The following ACKR2 variants were observed in gnomAD, a reference collection of about 807,000 sequenced individuals.
The protein encoded by ACKR2 is C-C chemokine receptor D6.
For missense variants in ACKR2, 457 were observed against 477.3 expected (o/e 0.96, Z 0.40); for synonymous variants, 207 against 192.2 (o/e 1.08, Z -0.64).
At chr3:42,825,596 T>TGC (rs1324049393) in intron 2 of ACKR2, among the ~76,000 whole-genome samples, 1 of 151,392 alleles carries the variant, frequency 6.6e-6, no homozygotes, top group Non-Finnish European at 1.5e-5. Flanking sequence ...TGTGTGTGTG[T>TGC]GTGTGCGTGT....
chr3:42,810,444 C>T (rs6778695), intron 1 of ACKR2, among the ~76,000 whole-genome samples: 1 of 151,708 alleles, frequency 6.6e-6, no homozygotes, highest in African/African-American at 2.4e-5. Flanking sequence ...GCCTTTTTTC[C>T]TCTTTGCCTT....
At chr3:42,831,274 A>G (rs2125608691) in intron 2 of ACKR2, among the ~76,000 whole-genome samples, 1 of 152,312 alleles carries the variant, frequency 6.6e-6, no homozygotes, top group Non-Finnish European at 1.5e-5. Context: ...TCTCTTATGG[A>G]CCTGTTAAAA....
At chr3:42,819,171 C>A (rs1700784333) in intron 1 of ACKR2, among the ~76,000 whole-genome samples, 1 of 152,070 alleles carries the variant, frequency 6.6e-6, no homozygotes, top group African/African-American at 2.4e-5. Flanking sequence ...TTAAATATGT[C>A]TTTTAGTAGA....
chr3:42,865,735 G>A lies in ACKR2; in HGVS notation c.*78G>A. ...TCCACTCAAAGTGCTCTCTCCAGGG[G>A]CCTCAGTGACTGTGTTGCTAAACCC... On this transcript the variant is annotated 3_prime_UTR_variant, in exon 3 of 3. Transcript: ENST00000422265. The A allele has an allele frequency of 8.4e-7, 1 of 1,186,960 alleles. No individual in the cohort carries two copies. Among genetic ancestry groups the A allele is most frequent in the South Asian group, 1.5e-5 (1 of 66,006 alleles). 73.5% of individuals were successfully genotyped at this position (1,186,960 alleles called of 1,614,324 possible).
At chr3:42,847,455 G>A (rs1362490656) in intron 2 of ACKR2, among the ~76,000 whole-genome samples, 2 of 152,202 alleles carry the variant, frequency 1.3e-5, no homozygotes, top group Non-Finnish European at 2.9e-5. Flanking sequence ...GTGAGTAAAT[G>A]TGGGCTCTAA....
chr3:42,850,789 T>C (rs969714525), intron 2 of ACKR2, among the ~76,000 whole-genome samples: 1 of 151,960 alleles, frequency 6.6e-6, no homozygotes, highest in African/African-American at 2.4e-5. Context: ...GGGGAACAGA[T>C]AGTTAAATAG....
At chr3:42,811,502 C>G (rs902515536) in intron 1 of ACKR2, among the ~76,000 whole-genome samples, 2 of 152,210 alleles carry the variant, frequency 1.3e-5, no homozygotes, top group Non-Finnish European at 2.9e-5. Flanking sequence ...GGGACCTCTG[C>G]CCAAGAAAGC....
At chr3:42,832,797 G>A (rs983821538) in intron 2 of ACKR2, among the ~76,000 whole-genome samples, 6 of 152,086 alleles carry the variant, frequency 3.9e-5, no homozygotes, top group African/African-American at 7.2e-5. Context: ...AGGCTCAAGC[G>A]ATTCTCCCAC....
chr3:42,839,337 G>C (rs951578126), intron 2 of ACKR2: 6 of 152,028 alleles, frequency 3.9e-5, no homozygotes, highest in African/African-American at 1.5e-4. Context: ...TCAGTCTGGA[G>C]CTCCGAATCA....
At chr3:42,832,659 A>G (rs1022330672) in intron 2 of ACKR2, among the ~76,000 whole-genome samples, 2 of 152,164 alleles carry the variant, frequency 1.3e-5, no homozygotes, top group African/African-American at 2.4e-5. Context: ...GTGCTGTCCA[A>G]TAAAAACAGG....
intron 2 of ACKR2, chr3:42,834,537 G>T (rs1700967211): frequency 1.3e-5 from 2 of 151,382 alleles, no homozygotes; most frequent in African/African-American, 4.9e-5. Context: ...ACTATGTCTG[G>T]GTAATTTTTT....
At chr3:42,862,507 CTACTT>C (rs1304209177) in intron 2 of ACKR2, among the ~76,000 whole-genome samples, 1 of 152,152 alleles carries the variant, frequency 6.6e-6, no homozygotes, top group Non-Finnish European at 1.5e-5. Context: ...TTAGAAAAAA[CTACTT>C]TAAATTTTAT....
At chr3:42,847,320 G>A in intron 2 of ACKR2, among the ~76,000 whole-genome samples, 1 of 152,318 alleles carries the variant, frequency 6.6e-6, no homozygotes, top group South Asian at 2.1e-4. Context: ...GCCAGCGGGG[G>A]CCAGGCTGGG....
chr3:42,851,622 C>A (rs965207694), intron 2 of ACKR2, among the ~76,000 whole-genome samples: 1 of 152,010 alleles, frequency 6.6e-6, no homozygotes, highest in African/African-American at 2.4e-5. Context: ...GCAATTGCTT[C>A]CAGCACCTGG....
chr3:42,839,851 TGTAGA>T (rs1319789696), intron 2 of ACKR2, among the ~76,000 whole-genome samples: 1 of 152,112 alleles, frequency 6.6e-6, no homozygotes, highest in African/African-American at 2.4e-5. Flanking sequence ...AGTGGACAAA[TGTAGA>T]AGTGCATGTA....
rs769342379 is a variant in ACKR2 at position 42,864,547 on chromosome 3, C to A, written c.45C>A (p.Ala15=). The change falls in exon 3 of 3, where the codon GCC becomes GCA. Residue 15 remains alanine, a synonymous_variant. Coordinates refer to ENST00000422265, the MANE Select transcript of ACKR2 (RefSeq NM_001296.5). ...ASPQPLATED[A]DSENSSFYYY... ...CGCAGCCACTCGCCACTGAGGATGC[C>A]GATTCTGAGAATAGCAGCTTCTATT... 4 of 1,612,346 alleles carry A rather than the reference C, an allele frequency of 2.5e-6. No individual in the cohort carries two copies. In the Admixed American group the frequency reaches 6.7e-5, roughly 27 times the overall value.
chr3:42,813,534 T>G (rs1700715681), intron 1 of ACKR2, among the ~76,000 whole-genome samples: 1 of 152,114 alleles, frequency 6.6e-6, no homozygotes, highest in South Asian at 2.1e-4. Context: ...AAGGAAGAAG[T>G]GCTACACACT....
chr3:42,829,961 CAT>C (rs1210743877), intron 2 of ACKR2, among the ~76,000 whole-genome samples: 5 of 152,228 alleles, frequency 3.3e-5, no homozygotes, highest in Non-Finnish European at 7.3e-5. Context: ...TTTCAGGTCT[CAT>C]ATTCCAAAAC....
chr3:42,829,811 G>C (rs1282437084), intron 2 of ACKR2, among the ~76,000 whole-genome samples: 1 of 152,134 alleles, frequency 6.6e-6, no homozygotes, highest in Non-Finnish European at 1.5e-5. Flanking sequence ...ACACAAAACA[G>C]AACATGGGAA....
Sources: gnomAD v4.1 joint callset for allele counts (sites outside exome capture counted in the v4.1 genomes callset) on GRCh38, gnomAD v4.1.1 for gene constraint, MANE v1.5 for transcripts, NCBI Gene and HGNC (gene_info 2026-07-23, HGNC 2026-07-21) for gene names.